PTPRK: variants seen among roughly 807,000 people sequenced by gnomAD.
PTPRK encodes the protein protein tyrosine phosphatase receptor type K.
Under a neutral mutation model 178.0 loss-of-function variants are expected in PTPRK, and 75 were observed. The ratio of observed to expected loss-of-function variants is 0.42; its 90% CI spans 0.35 to 0.51. The LOEUF (loss-of-function observed/expected upper bound fraction) is 0.51. Among genes scored for constraint, PTPRK ranks in the 20% least tolerant of loss-of-function variants. The probability of loss-of-function intolerance (pLI) is 0.02; values close to 1 mark genes in which losing one functional copy is unlikely to be tolerated. For missense variants in PTPRK, 1,441 were observed against 1,797.8 expected (o/e 0.80, Z 3.59); for synonymous variants, 637 against 620.6 (o/e 1.03, Z -0.39).
intron 2 of PTPRK, among the ~76,000 whole-genome samples, chr6:128,369,006 C>T (rs1835904731): frequency 1.3e-5 from 2 of 151,996 alleles, no homozygotes; most frequent in East Asian, 1.9e-4. Context: ...AAGAGCTAAA[C>T]TACATAGTTG....
chr6:128,014,986 T>A (rs1031169210), intron 13 of PTPRK, among the ~76,000 whole-genome samples: 1 of 151,668 alleles, frequency 6.6e-6, no homozygotes, highest in African/African-American at 2.4e-5. Flanking sequence ...TTAATAATGA[T>A]ATGGACGTGA....
intron 1 of PTPRK, among the ~76,000 whole-genome samples, chr6:128,517,756 G>T (rs1452726642): frequency 6.6e-6 from 1 of 152,200 alleles, no homozygotes; most frequent in Non-Finnish European, 1.5e-5. Context: ...GGAACCACAT[G>T]ATATCGGAAA....
chr6:128,418,383 A>G (rs1843073522), intron 1 of PTPRK, among the ~76,000 whole-genome samples: 1 of 152,216 alleles, frequency 6.6e-6, no homozygotes, highest in South Asian at 2.1e-4. Context: ...CCGGCTGCAC[A>G]GCAGGAGGTG....
Position 128,322,162 on chromosome 6 carries a change from G to C in PTPRK, c.372C>G (p.Asn124Lys). 6.2e-7 allele frequency: 1 copy of C among 1,613,858 alleles called. No individual in the cohort carries two copies. The highest frequency in any genetic ancestry group is 8.5e-7 in the Non-Finnish European group (1 of 1,179,854). ...SQKGLNPGTLNILVRVNKGPL... is the reference protein window; with the variant it reads ...SQKGLNPGTLKILVRVNKGPL... ...GTCCTTTATTCACCCTAACTAATATGTTCAAAGTGCCAGGATTCAGTCCTT... is the reference window on the plus strand; with the variant it reads ...GTCCTTTATTCACCCTAACTAATATCTTCAAAGTGCCAGGATTCAGTCCTT... The change falls in exon 3 of 30, where the codon AAC (asparagine) becomes AAG (lysine). Residue 124 changes from asparagine to lysine, a missense_variant. Transcript: ENST00000368226.
intron 2 of PTPRK, among the ~76,000 whole-genome samples, chr6:128,357,095 G>A (rs1446178363): frequency 1.3e-5 from 2 of 152,128 alleles, no homozygotes; most frequent in Admixed American, 1.3e-4. Context: ...GATGGAGGCT[G>A]GAAGTCCATT....
intron 12 of PTPRK, 39 bp downstream of exon 12, chr6:128,067,480 T>G (rs749195339): frequency 3.4e-6 from 5 of 1,467,330 alleles, no homozygotes; most frequent in Non-Finnish European, 4.5e-6. Context: ...TCAGCTTTTC[T>G]TCAAAGCAGG....
chr6:128,019,597 CT>C (rs1391258556), intron 13 of PTPRK, among the ~76,000 whole-genome samples: 2 of 151,856 alleles, frequency 1.3e-5, no homozygotes, highest in Non-Finnish European at 2.9e-5. Context: ...AAAACATTTA[CT>C]TTTTTGTTTC....
intron 16 of PTPRK, among the ~76,000 whole-genome samples, chr6:127,998,025 G>A (rs985578320): frequency 2.0e-5 from 3 of 152,070 alleles, no homozygotes; most frequent in Non-Finnish European, 4.4e-5. Context: ...AGTAAGTGAA[G>A]GGTGGCAAAG....
chr6:128,110,477 G>GAGTGTGGGTTTAGT (rs1790471840), intron 7 of PTPRK, among the ~76,000 whole-genome samples: 2 of 152,232 alleles, frequency 1.3e-5, no homozygotes, highest in Admixed American at 1.3e-4. Flanking sequence ...TAGATGTGCA[G>GAGTGTGGGTTTAGT]AATCAGCTTC....
chr6:128,315,255 G>C (rs866074661), intron 3 of PTPRK, among the ~76,000 whole-genome samples: 46 of 152,024 alleles, frequency 3.0e-4, no homozygotes, highest in African/African-American at 1.1e-3. Flanking sequence ...ACCAAACCTT[G>C]TCTCTAGGTA....
chr6:128,347,411 A>C (rs548231953), intron 2 of PTPRK, among the ~76,000 whole-genome samples: 1 of 152,294 alleles, frequency 6.6e-6, no homozygotes, highest in African/African-American at 2.4e-5. Context: ...GAACTGACTA[A>C]ATTAATTGCA....
At chr6:128,298,137 C>T (rs60623065) in intron 3 of PTPRK, among the ~76,000 whole-genome samples, 20,264 of 151,904 alleles carry the variant, frequency 0.13, 2,213 homozygotes, top group African/African-American at 0.3. Context: ...CTAGAAGAAA[C>T]GTATAAATTC....
chr6:128,476,130 C>G (rs745857412), intron 1 of PTPRK, among the ~76,000 whole-genome samples: 5 of 152,156 alleles, frequency 3.3e-5, no homozygotes, highest in Middle Eastern at 3.4e-3. Context: ...CACCCAAGAA[C>G]TACACTCTCA....
intron 13 of PTPRK, among the ~76,000 whole-genome samples, chr6:128,056,517 C>T (rs538761242): frequency 3.3e-5 from 5 of 151,940 alleles, no homozygotes; most frequent in South Asian, 4.2e-4. Flanking sequence ...CTCCGCCTCC[C>T]GGGTTCAAGC....
chr6:128,491,843 A>G (rs895317324), intron 1 of PTPRK: 2 of 513,954 alleles, frequency 3.9e-6, no homozygotes, highest in Non-Finnish European at 7.8e-6. Flanking sequence ...GACCACAAGC[A>G]CAGACACTGA....
intron 14 of PTPRK, among the ~76,000 whole-genome samples, chr6:128,007,498 G>A (rs1406358828): frequency 6.6e-6 from 1 of 150,766 alleles, no homozygotes. Flanking sequence ...AGAAAATCAA[G>A]TTGTCATATT....
chr6:128,004,742 G>A (rs1778228817), intron 15 of PTPRK, among the ~76,000 whole-genome samples: 1 of 151,720 alleles, frequency 6.6e-6, no homozygotes, highest in Non-Finnish European at 1.5e-5. Context: ...GATGCAAATG[G>A]AAAAAGAATT....
chr6:128,034,176 C>A (rs1178759614), intron 13 of PTPRK, among the ~76,000 whole-genome samples: 3 of 152,134 alleles, frequency 2.0e-5, no homozygotes, highest in African/African-American at 7.2e-5. Context: ...GCAGTACATT[C>A]TTTTCACCAG....
chr6:128,455,458 C>T (rs928513515), intron 1 of PTPRK, among the ~76,000 whole-genome samples: 1 of 152,204 alleles, frequency 6.6e-6, no homozygotes, highest in African/African-American at 2.4e-5. Context: ...AAAGACGCTC[C>T]CCTTTTAATA....
Sources: gnomAD v4.1 joint callset for allele counts (sites outside exome capture counted in the v4.1 genomes callset) on GRCh38, gnomAD v4.1.1 for gene constraint, MANE v1.5 for transcripts, NCBI Gene and HGNC (gene_info 2026-07-23, HGNC 2026-07-21) for gene names.